Variants in ATXN2 observed in about 807,000 individuals in gnomAD.
ATXN2 encodes ataxin-2.
ATXN2 carries 37 observed loss-of-function variants against 138.6 expected under a neutral mutation model. The observed-to-expected ratio is 0.27, with a 90% confidence interval of 0.21 to 0.35. The LOEUF (loss-of-function observed/expected upper bound fraction) is 0.35. Ranked by LOEUF, ATXN2 falls within the 10% of genes least tolerant of loss-of-function variation. ATXN2 has a pLI of 1.00. For missense variants in ATXN2, 1,216 were observed against 1,480.3 expected, an observed-to-expected ratio of 0.82 and a Z score of 2.93; for synonymous variants, 549 against 543.7, an observed-to-expected ratio of 1.01 and a Z score of -0.13.
chr12:111,530,436 C>G (rs891658683), intron 5 of ATXN2, among the ~76,000 whole-genome samples: 4 of 152,224 alleles, frequency 2.6e-5, no homozygotes, highest in Admixed American at 2.6e-4. Flanking sequence ...CTATCAGCAA[C>G]AGCTGATCTA....
chr12:111,574,878 T>C (rs1248887152), intron 1 of ATXN2, among the ~76,000 whole-genome samples: 1 of 152,198 alleles, frequency 6.6e-6, no homozygotes, highest in Non-Finnish European at 1.5e-5. Flanking sequence ...AGATCCAAAA[T>C]ACAATGATAG....
Position 111,452,590 on chromosome 12 carries a change from A to C in ATXN2, c.*222T>G. The C allele has an allele frequency of 1.7e-6, 1 of 577,908 alleles. No individual in the cohort carries two copies. The highest frequency in any genetic ancestry group is 3.1e-6 in the Non-Finnish European group (1 of 327,052). 35.8% of individuals were successfully genotyped at this position (577,908 alleles called of 1,614,324 possible). ...GGTACCTGCGGGACTCTGAAACAGC[A>C]TATGGAATTATGGAATAGCCCCCAA... On this transcript the variant is annotated 3_prime_UTR_variant, in exon 25 of 25. Coordinates refer to ENST00000673436, the MANE Select transcript of ATXN2 (RefSeq NM_001372574.1).
rs1245249408 is a variant in ATXN2 at position 111,456,142 on chromosome 12, T to C, written c.3157A>G (p.Thr1053Ala). The change falls in exon 23 of 25, where the codon ACG (threonine) becomes GCG (alanine). Residue 1053 changes from threonine (T) to alanine (A), a missense_variant. By Grantham distance (58) the Thr-to-Ala change is moderately conservative. This residue lies in a region of ATXN2 where 490 missense variants were observed against 653.5 expected (regional missense o/e 0.75). Coordinates refer to ENST00000673436, the MANE Select transcript of ATXN2 (RefSeq NM_001372574.1). ...GGGAAACTATTCTGTGGCGACTGCG[T>C]GTTGGAGGCAGGTGTCATGGAGGGT... ...TPPSMTPASNTQSPQNSFPAA... is the reference protein window; with the variant it reads ...TPPSMTPASNAQSPQNSFPAA... The C allele has an allele frequency of 6.2e-7, 1 of 1,614,142 alleles. No homozygotes were observed. The highest frequency in any genetic ancestry group is 2.2e-5 in the East Asian group (1 of 44,882).
intron 1 of ATXN2, among the ~76,000 whole-genome samples, chr12:111,562,442 C>T (rs1204064070): frequency 6.6e-6 from 1 of 151,534 alleles, no homozygotes; most frequent in Non-Finnish European, 1.5e-5. Context: ...AAAAGAAGGC[C>T]TGGTGTGGCA....
At chr12:111,579,376 C>T (rs951939361) in intron 1 of ATXN2, among the ~76,000 whole-genome samples, 1 of 151,944 alleles carries the variant, frequency 6.6e-6, no homozygotes, top group Non-Finnish European at 1.5e-5. Context: ...GATTCTCCTG[C>T]CTCAGCCTCC....
At chr12:111,588,110 C>T (rs916157344) in intron 1 of ATXN2, among the ~76,000 whole-genome samples, 1 of 151,790 alleles carries the variant, frequency 6.6e-6, no homozygotes, top group African/African-American at 2.4e-5. Context: ...TGGCTTGAAC[C>T]CGGGAGACAG....
chr12:111,492,012 T>C (rs1878065504), intron 14 of ATXN2, among the ~76,000 whole-genome samples: 1 of 152,276 alleles, frequency 6.6e-6, no homozygotes, highest in Non-Finnish European at 1.5e-5. Context: ...GCAGGATTCT[T>C]CACCTACTGA....
chr12:111,587,549 G>A (rs898887818), intron 1 of ATXN2, among the ~76,000 whole-genome samples: 7 of 151,928 alleles, frequency 4.6e-5, no homozygotes, highest in Admixed American at 1.3e-4. Context: ...CCAGCTACTC[G>A]GGAGACTGAG....
intron 1 of ATXN2, among the ~76,000 whole-genome samples, chr12:111,577,674 T>G (rs992378843): frequency 6.6e-6 from 1 of 152,144 alleles, no homozygotes; most frequent in African/African-American, 2.4e-5. Context: ...CTCACACCTG[T>G]AATCCCAGCA....
chr12:111,529,720 A>G (rs1749280192), intron 5 of ATXN2, among the ~76,000 whole-genome samples: 1 of 152,322 alleles, frequency 6.6e-6, no homozygotes, highest in East Asian at 1.9e-4. Context: ...TCAGCTTCTC[A>G]ATCTTTCCTC....
intron 18 of ATXN2, among the ~76,000 whole-genome samples, chr12:111,473,226 A>T (rs930425737): frequency 2.0e-5 from 3 of 151,654 alleles, no homozygotes; most frequent in African/African-American, 7.3e-5. Flanking sequence ...GTATGCCCAG[A>T]TCATCCCACT....
intron 14 of ATXN2, among the ~76,000 whole-genome samples, chr12:111,506,101 T>C (rs1317548753): frequency 6.6e-6 from 1 of 152,154 alleles, no homozygotes; most frequent in African/African-American, 2.4e-5. Context: ...AAAAGCCACA[T>C]ATTTTATTAT....
rs553493099 is a variant in ATXN2 at position 111,459,922 on chromosome 12, G to A, written c.2897-2563C>T. ...AGTAGAGACGGGGTTTCACCATGTT[G>A]GCCAGGCTGGTCTCAAACTCCTGGC... On this transcript the variant is annotated intron_variant, in intron 21 of 24. Coordinates refer to ENST00000673436, the MANE Select transcript of ATXN2 (RefSeq NM_001372574.1). 1.9e-3 allele frequency among the ~76,000 whole-genome samples: 292 copies of A among 152,092 alleles called. 1 individual carries two copies. Among genetic ancestry groups the A allele is most frequent in the Middle Eastern group, 0.01 (3 of 294 alleles).
rs1011626783 is a variant in ATXN2 at position 111,598,770 on chromosome 12, G to T, written c.251+14C>A. 19 of 1,293,930 alleles carry T rather than the reference G, an allele frequency of 1.5e-5. No individual in the cohort carries two copies. The African/African-American group carries it at 3.0e-4, about 20-fold the overall frequency. 80.2% of individuals were successfully genotyped at this position (1,293,930 alleles called of 1,614,324 possible). A position where few individuals can be genotyped will look rare whatever the true frequency, so the allele number is the denominator to read the frequency against. Reference sequence around the variant, plus strand: ...CGGGCCCGGAGCGGAGGGGGCTGGGGTGCCGACACCCACCTGCCCAGGCCG... The same window carrying T: ...CGGGCCCGGAGCGGAGGGGGCTGGGTTGCCGACACCCACCTGCCCAGGCCG... On this transcript the variant is annotated intron_variant, in intron 1 of 24. Coordinates refer to ENST00000673436, the MANE Select transcript of ATXN2 (RefSeq NM_001372574.1). The surrounding 1 kb of genome is among the most constrained non-coding windows in gnomAD (Gnocchi z 4.5).
At chr12:111,471,120 A>G in intron 18 of ATXN2, 1 of 211,786 alleles carries the variant, frequency 4.7e-6, no homozygotes, top group Non-Finnish European at 9.9e-6. Flanking sequence ...TCATTTTGAG[A>G]AAAACAAAGG....
chr12:111,551,148 T>C (rs1204173018), intron 5 of ATXN2, among the ~76,000 whole-genome samples: 1 of 151,806 alleles, frequency 6.6e-6, no homozygotes, highest in African/African-American at 2.4e-5. Flanking sequence ...AATACAAAAA[T>C]TAGCTTGGTG....
chr12:111,455,481 C>A (rs999503625), intron 23 of ATXN2: 8 of 303,910 alleles, frequency 2.6e-5, no homozygotes, highest in Admixed American at 1.3e-4. Flanking sequence ...TCTAGTTACA[C>A]TGCACCAATG....
At position 111,599,248 on chromosome 12, in the gene ATXN2, G is replaced by A. The variant is rs1885135089; in HGVS notation, c.-214C>T. The A allele has an allele frequency of 1.7e-6, 2 of 1,205,216 alleles. No homozygotes were observed. The highest frequency in any genetic ancestry group is 8.1e-5 in the South Asian group (2 of 24,698). The allele number at this position is 1,205,216 out of a possible 1,614,324, so 74.7% of individuals were successfully genotyped here. A position where few individuals can be genotyped will look rare whatever the true frequency, so the allele number is the denominator to read the frequency against. On this transcript the variant is annotated 5_prime_UTR_variant, in exon 1 of 25. Coordinates refer to ENST00000673436, the MANE Select transcript of ATXN2 (RefSeq NM_001372574.1). ...CGAGACCAAGGAGCCGCCGGGAGCCGGGCCGAAACGCGCCGCCGCCGTTGC... is the reference window on the plus strand; with the variant it reads ...CGAGACCAAGGAGCCGCCGGGAGCCAGGCCGAAACGCGCCGCCGCCGTTGC...
At chr12:111,469,861 G>GC (rs1229494764) in intron 20 of ATXN2, 1 of 435,728 alleles carries the variant, frequency 2.3e-6, no homozygotes, top group African/African-American at 2.0e-5. Context: ...AAGATGCTTT[G>GC]CCATTATATA....
Sources: gnomAD v4.1 joint callset for allele counts (sites outside exome capture counted in the v4.1 genomes callset) on GRCh38, gnomAD v4.1.1 for gene constraint, gnomAD v4.1.1 regional missense constraint, Gnocchi (gnomAD v3.1) non-coding constraint, MANE v1.5 for transcripts, NCBI Gene and HGNC (gene_info 2026-07-23, HGNC 2026-07-21) for gene names.